Variants in AKAP12 observed in about 807,000 individuals in gnomAD.
The protein encoded by AKAP12 is A-kinase anchoring protein 12.
Under a neutral mutation model 79.9 loss-of-function variants are expected in AKAP12, and 32 were observed. That is an observed-to-expected ratio of 0.40 (90% CI 0.30 to 0.54). The LOEUF (loss-of-function observed/expected upper bound fraction) is 0.54. Among genes scored for constraint, AKAP12 ranks in the 20% least tolerant of loss-of-function variants. The pLI, the probability that AKAP12 is intolerant of heterozygous loss-of-function variation, is 0.48. For synonymous variants in AKAP12, 808 were observed against 857.0 expected, an observed-to-expected ratio of 0.94 and a Z score of 1.00; for missense variants, 2,074 against 2,177.0, an observed-to-expected ratio of 0.95 and a Z score of 0.94.
At chr6:151,333,243 C>T (rs1234443857) in intron 3 of AKAP12, among the ~76,000 whole-genome samples, 3 of 152,092 alleles carry the variant, frequency 2.0e-5, no homozygotes, top group South Asian at 2.1e-4. Context: ...GCTGCCTGTC[C>T]TGGAAGCCCC....
intron 3 of AKAP12, chr6:151,341,862 G>C (rs1242247574): frequency 8.5e-7 from 1 of 1,175,980 alleles, no homozygotes; most frequent in African/African-American, 1.6e-5. Context: ...AAGGCGCGCA[G>C]GGACAGGTCG....
chr6:151,262,234 C>T (rs1024704197), intron 2 of AKAP12, among the ~76,000 whole-genome samples: 1 of 152,206 alleles, frequency 6.6e-6, no homozygotes, highest in Non-Finnish European at 1.5e-5. Context: ...GGATAACAGG[C>T]ATGAGCCACT....
At chr6:151,258,179 C>CT (rs1562709559) in intron 2 of AKAP12, among the ~76,000 whole-genome samples, 1 of 152,198 alleles carries the variant, frequency 6.6e-6, no homozygotes, top group African/African-American at 2.4e-5. Context: ...GCAATGAATA[C>CT]TGGAGGTATT....
At chr6:151,280,094 A>T (rs1487395413) in intron 2 of AKAP12, among the ~76,000 whole-genome samples, 1 of 150,178 alleles carries the variant, frequency 6.7e-6, no homozygotes, top group Non-Finnish European at 1.5e-5. Context: ...TGCCTTTTTC[A>T]CTCAATAGGA....
intron 3 of AKAP12, among the ~76,000 whole-genome samples, chr6:151,321,928 T>TG (rs1181561056): frequency 6.9e-6 from 1 of 145,648 alleles, no homozygotes; most frequent in African/African-American, 2.5e-5. Context: ...TTTTTTTTTT[T>TG]GACACAGTCT....
At chr6:151,347,059 A>T (rs1331197409) in intron 3 of AKAP12, among the ~76,000 whole-genome samples, 1 of 152,198 alleles carries the variant, frequency 6.6e-6, no homozygotes, top group Admixed American at 6.5e-5. Flanking sequence ...CGTGGTGACA[A>T]TGCACACATT....
chr6:151,293,747 A>G (rs1562724833), intron 2 of AKAP12, among the ~76,000 whole-genome samples: 1 of 152,148 alleles, frequency 6.6e-6, no homozygotes, highest in Non-Finnish European at 1.5e-5. Flanking sequence ...GTAACATGGT[A>G]TTGGGCTTGT....
chr6:151,290,387 G>A (rs916575675), intron 2 of AKAP12, among the ~76,000 whole-genome samples: 3 of 152,018 alleles, frequency 2.0e-5, no homozygotes, highest in South Asian at 2.1e-4. Flanking sequence ...AGCACTCACC[G>A]TTATCTCATT....
At chr6:151,287,802 T>C (rs1562722498) in intron 2 of AKAP12, among the ~76,000 whole-genome samples, 1 of 152,130 alleles carries the variant, frequency 6.6e-6, no homozygotes. Flanking sequence ...TAGCAAAGAC[T>C]TGGAACCAAC....
At chr6:151,252,292 G>C (rs1797195242) in intron 2 of AKAP12, among the ~76,000 whole-genome samples, 1 of 151,834 alleles carries the variant, frequency 6.6e-6, no homozygotes, top group South Asian at 2.1e-4. Context: ...CCGCCTCCCG[G>C]GTTCAAGATT....
intron 2 of AKAP12, among the ~76,000 whole-genome samples, chr6:151,273,218 T>C (rs12526775): frequency 0.14 from 21,341 of 152,290 alleles, 2,044 homozygotes; most frequent in Admixed American, 0.31. Flanking sequence ...AGGCTGGACA[T>C]TCTTAGCAAG....
intron 2 of AKAP12, among the ~76,000 whole-genome samples, chr6:151,267,380 C>A (rs1278069912): frequency 6.6e-6 from 1 of 152,172 alleles, no homozygotes; most frequent in Non-Finnish European, 1.5e-5. Flanking sequence ...ACTTAATTGA[C>A]ATAGTCACAT....
intron 2 of AKAP12, among the ~76,000 whole-genome samples, chr6:151,251,667 C>T (rs1450067617): frequency 6.6e-6 from 1 of 152,152 alleles, no homozygotes; most frequent in African/African-American, 2.4e-5. Context: ...GAACAGAGAA[C>T]ATCACTTGAT....
At chr6:151,253,986 G>C (rs1797241695) in intron 2 of AKAP12, among the ~76,000 whole-genome samples, 1 of 152,144 alleles carries the variant, frequency 6.6e-6, no homozygotes, top group Non-Finnish European at 1.5e-5. Flanking sequence ...TGGGACTACA[G>C]GTGTGAACCA....
intron 3 of AKAP12, chr6:151,324,293 G>A: frequency 1.0e-6 from 1 of 985,454 alleles, no homozygotes; most frequent in Non-Finnish European, 1.2e-6. Context: ...GTATTTGCCA[G>A]GATGTGAAAC....
At position 151,352,501 on chromosome 6, in the gene AKAP12, C is replaced by T. The variant is rs1179475110; in HGVS notation, c.4110C>T (p.Val1370=). Reference sequence around the variant, plus strand: ...CAGCTGTTACCGTATCTGAAGAGGTCAGTAAGCAGCTCCTCCAGACAGTGA... The same window carrying T: ...CAGCTGTTACCGTATCTGAAGAGGTTAGTAAGCAGCTCCTCCAGACAGTGA... ...HETAVTVSEE[V]SKQLLQTVNV... Residue 1370 remains valine, a synonymous_variant, in exon 4 of 5, where the codon GTC becomes GTT. Coordinates refer to ENST00000402676, the MANE Select transcript of AKAP12 (RefSeq NM_005100.4). 6 of 1,614,020 alleles carry T rather than the reference C, an allele frequency of 3.7e-6. No individual in the cohort carries two copies. In the Admixed American group the frequency reaches 6.7e-5, roughly 18 times the overall value.
At chr6:151,271,096 T>G (rs1211516302) in intron 2 of AKAP12, among the ~76,000 whole-genome samples, 3 of 152,188 alleles carry the variant, frequency 2.0e-5, no homozygotes, top group African/African-American at 7.2e-5. Context: ...GTTAAGTATG[T>G]TTCCCACCAA....
At chr6:151,310,011 AC>A (rs1172852156) in intron 3 of AKAP12, among the ~76,000 whole-genome samples, 7 of 151,834 alleles carry the variant, frequency 4.6e-5, no homozygotes, top group African/African-American at 1.7e-4. Context: ...CCTTTCCGCA[AC>A]CCAAATTATC....
chr6:151,292,330 A>G (rs1562724313), intron 2 of AKAP12, among the ~76,000 whole-genome samples: 1 of 152,208 alleles, frequency 6.6e-6, no homozygotes, highest in African/African-American at 2.4e-5. Context: ...GGGGTGGGCA[A>G]TACATTCTAA....
Sources: allele counts gnomAD v4.1 joint callset (sites outside exome capture counted in the v4.1 genomes callset), GRCh38; gene constraint gnomAD v4.1.1; transcripts MANE v1.5; gene names NCBI Gene and HGNC (gene_info 2026-07-23, HGNC 2026-07-21).